The following FAM174B variants were observed in gnomAD, a reference collection of about 807,000 sequenced individuals.
FAM174B encodes the protein membrane protein FAM174B.
In FAM174B, 12 loss-of-function variants were observed where a neutral mutation model predicts 10.9. That is an observed-to-expected ratio of 1.10 (90% CI 0.71 to 1.79). The LOEUF is 1.79. FAM174B is among the 40% of genes most tolerant of loss of function. The probability of loss-of-function intolerance (pLI) is 0.00; values close to 1 mark genes in which losing one functional copy is unlikely to be tolerated. For missense variants in FAM174B, 266 were observed against 233.3 expected, an observed-to-expected ratio of 1.14 and a Z score of -0.91; for synonymous variants, 132 against 115.8, an observed-to-expected ratio of 1.14 and a Z score of -0.90.
At chr15:92,650,857 C>A (rs896925968) in intron 1 of FAM174B, among the ~76,000 whole-genome samples, 2 of 152,178 alleles carry the variant, frequency 1.3e-5, no homozygotes, top group African/African-American at 2.4e-5. Context: ...GGGGGTTCAC[C>A]ACACCAGGTA....
intron 2 of FAM174B, among the ~76,000 whole-genome samples, chr15:92,624,467 A>G (rs2050740287): frequency 6.6e-6 from 1 of 152,194 alleles, no homozygotes; most frequent in Admixed American, 6.5e-5. Flanking sequence ...GTGCTTAGCA[A>G]CTGCCATGAG....
At chr15:92,643,344 A>ATATGTGTGTGTGTG (rs1555421981) in intron 1 of FAM174B, among the ~76,000 whole-genome samples, 1 of 138,090 alleles carries the variant, frequency 7.2e-6, no homozygotes, top group African/African-American at 2.6e-5. Context: ...TAGGGAAGGA[A>ATATGTGTGTGTGTG]TGTGTGTGTG....
intron 1 of FAM174B, among the ~76,000 whole-genome samples, chr15:92,651,884 A>G (rs1218063339): frequency 2.6e-5 from 4 of 152,200 alleles, no homozygotes; most frequent in African/African-American, 9.7e-5. Flanking sequence ...TTTGCTTCTA[A>G]TTTCCTTGGA....
intron 1 of FAM174B, chr15:92,653,004 G>C (rs1234560284): frequency 6.6e-6 from 1 of 152,300 alleles, no homozygotes; most frequent in Non-Finnish European, 1.5e-5. Context: ...CCACTTCCTG[G>C]GATGCAACTT....
rs949114438 is a variant in FAM174B at position 92,655,234 on chromosome 15, G to A, written c.344+82C>T. The A allele has an allele frequency of 3.5e-6, 5 of 1,441,076 alleles. No homozygotes were observed. The East Asian group carries it at 1.2e-4, about 34-fold the overall frequency. 89.3% of individuals were successfully genotyped at this position (1,441,076 alleles called of 1,614,324 possible). A position where few individuals can be genotyped will look rare whatever the true frequency, so the allele number is the denominator to read the frequency against. On this transcript the variant is annotated intron_variant, in intron 1 of 2. Transcript: ENST00000327355. ...CGCACCAGGGCACCTGTGCGTGCAGGTGGGGCGGGCGCGCGGCGACAGCAG... is the reference window on the plus strand; with the variant it reads ...CGCACCAGGGCACCTGTGCGTGCAGATGGGGCGGGCGCGCGGCGACAGCAG...
At chr15:92,623,522 A>C (rs758066673) in intron 2 of FAM174B, among the ~76,000 whole-genome samples, 7 of 152,156 alleles carry the variant, frequency 4.6e-5, no homozygotes, top group Admixed American at 1.3e-4. Flanking sequence ...CTGGGTTACA[A>C]CCATCCCACA....
At chr15:92,637,811 T>C (rs2141958610) in intron 1 of FAM174B, among the ~76,000 whole-genome samples, 1 of 152,234 alleles carries the variant, frequency 6.6e-6, no homozygotes, top group East Asian at 1.9e-4. Context: ...ATCCCCTGGG[T>C]CCATTCGTGG....
intron 2 of FAM174B, among the ~76,000 whole-genome samples, chr15:92,625,527 T>C (rs961996850): frequency 3.9e-5 from 6 of 152,178 alleles, no homozygotes; most frequent in Admixed American, 1.3e-4. Context: ...GACAAAGAAG[T>C]TCACAAAAAC....
At chr15:92,620,511 T>C (rs1335638733) in intron 2 of FAM174B, among the ~76,000 whole-genome samples, 1 of 148,474 alleles carries the variant, frequency 6.7e-6, no homozygotes, top group Non-Finnish European at 1.5e-5. Context: ...AAAATAAGCA[T>C]AAGTTTAAAA....
At chr15:92,655,013 C>G in intron 1 of FAM174B, 1 of 254,124 alleles carries the variant, frequency 3.9e-6, no homozygotes. Context: ...GAAACGCTGT[C>G]AGAATTCAGA....
At chr15:92,630,124 A>G in intron 2 of FAM174B, 90 bp downstream of exon 2, 3 of 1,394,372 alleles carry the variant, frequency 2.2e-6, no homozygotes, top group Non-Finnish European at 3.0e-6. Context: ...TCACTAAAAA[A>G]CAAGAACACA....
chr15:92,632,541 A>T lies in FAM174B; in HGVS notation c.345-2196T>A, dbSNP rs1472420565. 2.6e-5 allele frequency among the ~76,000 whole-genome samples: 4 copies of T among 152,290 alleles called. No individual in the cohort carries two copies. In the South Asian group the frequency reaches 8.3e-4, roughly 32 times the overall value. On this transcript the variant is annotated intron_variant, in intron 1 of 2. Coordinates refer to ENST00000327355, the MANE Select transcript of FAM174B (RefSeq NM_207446.3). ...CAAAATAAAATAAAGACAGGGTCGC[A>T]TTCTATCACCTAGGCTGGAGTGCAG...
intron 2 of FAM174B, among the ~76,000 whole-genome samples, chr15:92,620,807 T>C (rs2050714229): frequency 1.0e-5 from 1 of 98,668 alleles, no homozygotes; most frequent in African/African-American, 4.1e-5. Flanking sequence ...AGAGCAAGAC[T>C]CTGTCTCAAA....
intron 1 of FAM174B, among the ~76,000 whole-genome samples, chr15:92,650,096 A>G (rs984683586): frequency 6.6e-6 from 1 of 152,230 alleles, no homozygotes; most frequent in Non-Finnish European, 1.5e-5. Flanking sequence ...AGCAATGACA[A>G]AAAAATTTTT....
At chr15:92,653,426 G>A (rs867506797) in intron 1 of FAM174B, among the ~76,000 whole-genome samples, 19 of 152,194 alleles carry the variant, frequency 1.2e-4, no homozygotes, top group African/African-American at 4.3e-4. Context: ...GGCCTATTTT[G>A]AGCTAAATGT....
At chr15:92,630,479 G>A (rs2050785423) in intron 1 of FAM174B, 134 bp from the exon 2 acceptor site, 3 of 844,356 alleles carry the variant, frequency 3.6e-6, no homozygotes, top group Non-Finnish European at 1.8e-6. Context: ...CTGAGAGTGT[G>A]AGGATCTGAT....
chr15:92,630,292 G>C lies in FAM174B; in HGVS notation c.398C>G (p.Ala133Gly). ...TRKYDIITTPAERVEMAPLNE... is the reference protein window; with the variant it reads ...TRKYDIITTPGERVEMAPLNE... ...TAGTGGCGCCATTTCCACTCGCTCT[G>C]CTGGAGTGGTGATGATATCATACTT... Residue 133 changes from alanine to glycine, a missense_variant, in exon 2 of 3, where the codon GCA becomes GGA. By Grantham distance (60) the Ala-to-Gly change is moderately conservative. Coordinates refer to ENST00000327355, the MANE Select transcript of FAM174B (RefSeq NM_207446.3). 13 of 1,613,618 alleles carry C rather than the reference G, an allele frequency of 8.1e-6. No individual in the cohort carries two copies. Among genetic ancestry groups the C allele is most frequent in the Non-Finnish European group, 1.1e-5 (13 of 1,179,686 alleles).
At chr15:92,628,721 C>G (rs2050770785) in intron 2 of FAM174B, among the ~76,000 whole-genome samples, 1 of 152,042 alleles carries the variant, frequency 6.6e-6, no homozygotes, top group East Asian at 1.9e-4. Context: ...AGGTGTGATT[C>G]ACTAACAAAC....
chr15:92,641,046 A>G lies in FAM174B; in HGVS notation c.345-10701T>C, dbSNP rs143367889. On this transcript the variant is annotated intron_variant, in intron 1 of 2. Coordinates refer to ENST00000327355, the MANE Select transcript of FAM174B (RefSeq NM_207446.3). Reference sequence around the variant, plus strand: ...AATCTAATTGAAAAACTGGTAAAGAACATAACACAGGCAGTTCACACACAC... The same window carrying G: ...AATCTAATTGAAAAACTGGTAAAGAGCATAACACAGGCAGTTCACACACAC... 5.3e-5 allele frequency among the ~76,000 whole-genome samples: 8 copies of G among 150,392 alleles called. No individual in the cohort carries two copies. In the East Asian group the frequency reaches 1.6e-3, roughly 30 times the overall value.
Sources: allele counts gnomAD v4.1 joint callset (sites outside exome capture counted in the v4.1 genomes callset), GRCh38; gene constraint gnomAD v4.1.1; transcripts MANE v1.5; gene names NCBI Gene and HGNC (gene_info 2026-07-23, HGNC 2026-07-21).